Variants in COL25A1 observed in about 807,000 individuals in gnomAD.
COL25A1 encodes collagen alpha-1(XXV) chain.
COL25A1 carries 103 observed loss-of-function variants against 128.4 expected under a neutral mutation model. The ratio of observed to expected loss-of-function variants is 0.80; its 90% CI spans 0.68 to 0.94. The LOEUF is 0.94. Among genes scored for constraint, COL25A1 ranks in the 40% least tolerant of loss-of-function variants. The pLI, the probability that COL25A1 is intolerant of heterozygous loss-of-function variation, is 0.00. For missense variants in COL25A1, 745 were observed against 840.0 expected (o/e 0.89, Z 1.40); for synonymous variants, 279 against 277.2 (o/e 1.01, Z -0.06).
intron 3 of COL25A1, among the ~76,000 whole-genome samples, chr4:109,161,207 T>C (rs374648733): frequency 3.3e-5 from 5 of 152,222 alleles, no homozygotes; most frequent in African/African-American, 9.6e-5. Context: ...CGGGAGATAT[T>C]TGACAATCCC....
Position 109,301,961 on chromosome 4 carries a change from G to A in COL25A1, c.59C>T (p.Pro20Leu), listed in dbSNP as rs1174675366. Residue 20 changes from proline (P) to leucine (L), a missense_variant, in exon 2 of 38, where the codon CCG becomes CTG. Coordinates refer to ENST00000399132, the MANE Select transcript of COL25A1 (RefSeq NM_198721.4). ...GGGREPRSED[P>L]TPAEQHCART... is the part of the protein sequence containing the mutation. Reference sequence around the variant, plus strand: ...GGCACAATGCTGTTCGGCAGGGGTCGGGTCCTCGGATCTGGGCTCCCGGCC... The same window carrying A: ...GGCACAATGCTGTTCGGCAGGGGTCAGGTCCTCGGATCTGGGCTCCCGGCC... 3.1e-6 allele frequency: 5 copies of A among 1,611,834 alleles called. No homozygotes were observed. The East Asian group carries it at 6.7e-5, about 22-fold the overall frequency.
intron 8 of COL25A1, among the ~76,000 whole-genome samples, chr4:108,964,047 C>T (rs897985203): frequency 6.7e-6 from 1 of 149,012 alleles, no homozygotes; most frequent in Non-Finnish European, 1.5e-5. Context: ...TAAATAATAT[C>T]ATAATTAAAT....
intron 3 of COL25A1, among the ~76,000 whole-genome samples, chr4:109,198,892 T>C (rs1447234550): frequency 3.9e-5 from 6 of 152,196 alleles, no homozygotes; most frequent in Non-Finnish European, 5.9e-5. Flanking sequence ...AGTACAGCTC[T>C]TCCTCTGAAC....
intron 5 of COL25A1, among the ~76,000 whole-genome samples, chr4:109,010,739 C>T (rs1488642152): frequency 6.6e-6 from 1 of 152,176 alleles, no homozygotes; most frequent in Non-Finnish European, 1.5e-5. Flanking sequence ...TGAGCCCAAA[C>T]TATGAGCTAT....
At chr4:109,011,193 A>G (rs1041068679) in intron 5 of COL25A1, among the ~76,000 whole-genome samples, 14 of 152,188 alleles carry the variant, frequency 9.2e-5, no homozygotes, top group African/African-American at 3.4e-4. Flanking sequence ...AAATGTTCAC[A>G]CTGAGTTAAG....
intron 5 of COL25A1, among the ~76,000 whole-genome samples, chr4:109,040,086 A>G (rs1759740822): frequency 6.6e-6 from 1 of 152,198 alleles, no homozygotes; most frequent in Admixed American, 6.5e-5. Flanking sequence ...TATCATTAAT[A>G]ATTTTTTAAA....
chr4:109,154,163 A>G (rs892508867), intron 3 of COL25A1, among the ~76,000 whole-genome samples: 1 of 152,178 alleles, frequency 6.6e-6, no homozygotes, highest in African/African-American at 2.4e-5. Context: ...TGATAACTCA[A>G]ATCTAGGTTA....
At chr4:109,007,615 G>A (rs1294499488) in intron 6 of COL25A1, among the ~76,000 whole-genome samples, 3 of 152,128 alleles carry the variant, frequency 2.0e-5, no homozygotes, top group Admixed American at 6.5e-5. Context: ...AAATGATCAT[G>A]AGATTTCACA....
At chr4:109,060,993 T>C (rs1203532404) in intron 3 of COL25A1, among the ~76,000 whole-genome samples, 1 of 152,188 alleles carries the variant, frequency 6.6e-6, no homozygotes, top group African/African-American at 2.4e-5. Context: ...GTTAATCATT[T>C]TAACCTATTT....
In COL25A1 at chr4:109,242,518, C is replaced by T. The variant is rs148407618; in HGVS notation, c.367+58065G>A. ...TAGTGTTCTTAAGATGGAGCTTGAA[C>T]TGGACAAAACTTATGGTATAATCCC... is the stretch of plus-strand genomic sequence containing the variant. On this transcript the variant is annotated intron_variant, in intron 3 of 37. Coordinates refer to ENST00000399132, the MANE Select transcript of COL25A1 (RefSeq NM_198721.4). 3.9e-4 allele frequency among the ~76,000 whole-genome samples: 60 copies of T among 152,178 alleles called. 1 individual carries two copies. Among genetic ancestry groups the T allele is most frequent in the African/African-American group, 1.4e-3 (58 of 41,552 alleles).
At chr4:109,219,898 C>T (rs1368531433) in intron 3 of COL25A1, among the ~76,000 whole-genome samples, 1 of 152,140 alleles carries the variant, frequency 6.6e-6, no homozygotes, top group Non-Finnish European at 1.5e-5. Context: ...AATAGTTGTA[C>T]ATTTTTATCT....
At chr4:108,961,622 T>TTCTGTTCTGC (rs1560937081) in intron 8 of COL25A1, among the ~76,000 whole-genome samples, 2 of 151,254 alleles carry the variant, frequency 1.3e-5, no homozygotes, top group African/African-American at 2.4e-5. Context: ...TTCTGTTCTG[T>TTCTGTTCTGC]TCTGTTGTTG....
intron 5 of COL25A1, among the ~76,000 whole-genome samples, chr4:109,044,161 G>A (rs1192560933): frequency 6.6e-6 from 1 of 151,872 alleles, no homozygotes; most frequent in Admixed American, 6.6e-5. Context: ...ATAAGGCTGA[G>A]TAATAAGCTG....
At chr4:109,015,678 T>C (rs1757143478) in intron 5 of COL25A1, among the ~76,000 whole-genome samples, 1 of 152,144 alleles carries the variant, frequency 6.6e-6, no homozygotes, top group African/African-American at 2.4e-5. Context: ...GAAGCTGATC[T>C]TAAAAACTGG....
At chr4:108,951,976 C>A (rs576281937) in intron 8 of COL25A1, among the ~76,000 whole-genome samples, 58 of 152,096 alleles carry the variant, frequency 3.8e-4, no homozygotes, top group African/African-American at 1.4e-3. Flanking sequence ...GGATTGTGAG[C>A]CTAGTTCAAA....
At chr4:108,898,205 A>G (rs13109757) in intron 15 of COL25A1, among the ~76,000 whole-genome samples, 80,750 of 151,984 alleles carry the variant, frequency 0.53, 22,896 homozygotes, top group East Asian at 0.93. Flanking sequence ...TGAAGGGTTT[A>G]ACTGAGCTGT....
At chr4:108,947,233 G>C (rs11942035) in intron 8 of COL25A1, among the ~76,000 whole-genome samples, 33 of 152,118 alleles carry the variant, frequency 2.2e-4, no homozygotes, top group African/African-American at 7.7e-4. Context: ...CACAAGGTCA[G>C]GAGTTCGAGA....
At chr4:108,962,695 G>A (rs1232209666) in intron 8 of COL25A1, among the ~76,000 whole-genome samples, 4 of 151,766 alleles carry the variant, frequency 2.6e-5, no homozygotes, top group Admixed American at 6.6e-5. Flanking sequence ...TTCTTGGTAC[G>A]TGGAACTGTA....
At chr4:108,928,032 C>T (rs4956226) in intron 11 of COL25A1, among the ~76,000 whole-genome samples, 34,245 of 151,980 alleles carry the variant, frequency 0.23, 4,182 homozygotes, top group African/African-American at 0.29. Context: ...TAAATTGCTT[C>T]GTATTGCTAA....
Sources: allele counts gnomAD v4.1 joint callset (sites outside exome capture counted in the v4.1 genomes callset), GRCh38; gene constraint gnomAD v4.1.1; transcripts MANE v1.5; gene names NCBI Gene and HGNC (gene_info 2026-07-23, HGNC 2026-07-21).